Variants in SLC9A4 observed in about 807,000 individuals in gnomAD.
SLC9A4 encodes the protein sodium/hydrogen exchanger 4.
In SLC9A4, 63 loss-of-function variants were observed where a neutral mutation model predicts 67.4. That is an observed-to-expected ratio of 0.93 (90% CI 0.76 to 1.15). The LOEUF (loss-of-function observed/expected upper bound fraction) is 1.15. Ranked by LOEUF, SLC9A4 falls within the 50% of genes most tolerant of loss-of-function variation. SLC9A4 has a pLI of 0.00. For missense variants in SLC9A4, 1,089 were observed against 987.7 expected (o/e 1.10, Z -1.38); for synonymous variants, 393 against 367.2 (o/e 1.07, Z -0.80).
chr2:102,498,201 T>C (rs1684850881), intron 2 of SLC9A4, among the ~76,000 whole-genome samples: 1 of 152,244 alleles, frequency 6.6e-6, no homozygotes, highest in Admixed American at 6.5e-5. Context: ...CTTTTGCAAC[T>C]ATAATGTTAC....
chr2:102,499,795 A>G (rs947295412), intron 2 of SLC9A4, among the ~76,000 whole-genome samples: 2 of 152,196 alleles, frequency 1.3e-5, no homozygotes, highest in Non-Finnish European at 2.9e-5. Context: ...ATTACATTGA[A>G]CAGTGAGCAC....
rs1236102049 is a variant in SLC9A4, at chr2:102,505,370, T to C, written c.1097T>C (p.Ile366Thr). ...CTGAGCAGCGTCAGCGAGACCTTGA[T>C]CTTCATCTTCATGGGTGTGTCCACT... ...KMLSSVSETL[I>T]FIFMGVSTVG... is the part of the protein sequence containing the mutation. Residue 366 changes from isoleucine to threonine, a missense_variant, in exon 4 of 12, where the codon ATC (isoleucine) becomes ACC (threonine). Physicochemically the swap from Ile to Thr is moderately conservative, Grantham distance 89. Coordinates refer to ENST00000295269, the MANE Select transcript of SLC9A4 (RefSeq NM_001011552.4). The C allele has an allele frequency of 1.2e-6, 2 of 1,614,214 alleles. No individual in the cohort carries two copies. Among genetic ancestry groups the C allele is most frequent in the Admixed American group, 3.3e-5 (2 of 60,032 alleles).
At position 102,503,488 on chromosome 2, in the gene SLC9A4, A is replaced by C. The variant is rs747895392; in HGVS notation, c.761A>C (p.Lys254Thr). The change falls in exon 3 of 12, where the codon AAA (lysine) becomes ACA (threonine). Residue 254 changes from lysine (K) to threonine (T), a missense_variant. Lys to Thr is a moderately conservative substitution (Grantham distance 78). Transcript: ENST00000295269. ...TTAATTGCCTTTACAAAGATGCATA[A>C]ATTTGAAGACATAGAAACTGTCGAC... ...NMLIAFTKMH[K>T]FEDIETVDIL... 1.9e-6 allele frequency: 3 copies of C among 1,613,314 alleles called. No homozygotes were observed. Among genetic ancestry groups the C allele is most frequent in the African/African-American group, 2.7e-5 (2 of 74,882 alleles).
chr2:102,511,067 A>G (rs1363880234), intron 6 of SLC9A4, among the ~76,000 whole-genome samples: 1 of 152,234 alleles, frequency 6.6e-6, no homozygotes, highest in Admixed American at 6.5e-5. Flanking sequence ...GTTGCTGCAC[A>G]TGAGATTCAA....
chr2:102,473,650 C>T lies in SLC9A4; in HGVS notation c.-110C>T, dbSNP rs867854675. The stretch of plus-strand genomic sequence containing the variant: ...TTCTTGGGAGGACCCACAGACTGTA[C>T]CTATATTACTTTTGACCCAGGTGGA... On this transcript the variant is annotated 5_prime_UTR_variant, in exon 1 of 12. Coordinates refer to ENST00000295269, the MANE Select transcript of SLC9A4 (RefSeq NM_001011552.4). 2.0e-5 allele frequency: 27 copies of T among 1,360,626 alleles called. No individual in the cohort carries two copies. The African/African-American group carries it at 3.6e-4, about 18-fold the overall frequency. The allele number at this position is 1,360,626 out of a possible 1,614,324, so 84.3% of individuals were successfully genotyped here.
chr2:102,529,512 G>T (rs1028704450), intron 11 of SLC9A4, among the ~76,000 whole-genome samples: 3 of 152,166 alleles, frequency 2.0e-5, no homozygotes, highest in African/African-American at 7.2e-5. Context: ...TGAATAATTT[G>T]TCATTTCTGT....
chr2:102,495,698 A>G (rs1229372615), intron 2 of SLC9A4, among the ~76,000 whole-genome samples: 1 of 152,194 alleles, frequency 6.6e-6, no homozygotes, highest in Non-Finnish European at 1.5e-5. Context: ...TGGAGAGTTT[A>G]GAAATAGACT....
At chr2:102,481,436 A>T (rs1287379462) in intron 2 of SLC9A4, among the ~76,000 whole-genome samples, 2 of 152,226 alleles carry the variant, frequency 1.3e-5, no homozygotes, top group African/African-American at 4.8e-5. Flanking sequence ...CATGCTGTAC[A>T]TTGAAAGCTG....
chr2:102,485,534 G>A (rs945021768), intron 2 of SLC9A4, among the ~76,000 whole-genome samples: 1 of 152,204 alleles, frequency 6.6e-6, no homozygotes, highest in Non-Finnish European at 1.5e-5. Context: ...AACTTTGCTG[G>A]CTAGTTGCCT....
chr2:102,526,728 A>T (rs1030549475), intron 11 of SLC9A4, among the ~76,000 whole-genome samples: 1 of 152,324 alleles, frequency 6.6e-6, no homozygotes, highest in East Asian at 1.9e-4. Context: ...ATATTCACCC[A>T]CTATTTAAAT....
At chr2:102,502,598 G>A (rs1434500792) in intron 2 of SLC9A4, among the ~76,000 whole-genome samples, 1 of 152,230 alleles carries the variant, frequency 6.6e-6, no homozygotes, top group East Asian at 1.9e-4. Context: ...TGGAGAAGGT[G>A]TGGACTGGCC....
chr2:102,484,383 T>C (rs1452262851), intron 2 of SLC9A4, among the ~76,000 whole-genome samples: 1 of 152,192 alleles, frequency 6.6e-6, no homozygotes, highest in Non-Finnish European at 1.5e-5. Flanking sequence ...GTGTTCTTTC[T>C]GCAAAACACT....
intron 2 of SLC9A4, among the ~76,000 whole-genome samples, chr2:102,495,650 A>G (rs558866368): frequency 6.6e-5 from 10 of 152,286 alleles, no homozygotes; most frequent in South Asian, 2.1e-4. Flanking sequence ...AAATGACAAT[A>G]TTAATTAAAG....
At chr2:102,488,960 A>G (rs889272072) in intron 2 of SLC9A4, among the ~76,000 whole-genome samples, 2 of 152,192 alleles carry the variant, frequency 1.3e-5, no homozygotes, top group Non-Finnish European at 2.9e-5. Context: ...AAAAAATATT[A>G]CTGAGCTACT....
intron 8 of SLC9A4, among the ~76,000 whole-genome samples, chr2:102,516,036 G>T (rs963426832): frequency 6.6e-6 from 1 of 152,204 alleles, no homozygotes; most frequent in African/African-American, 2.4e-5. Context: ...CTTGGTTTCG[G>T]AAGGTATGGG....
chr2:102,524,556 T>TTGTGTGTGTGTGTGTG (rs147920382), intron 9 of SLC9A4, among the ~76,000 whole-genome samples: 4,080 of 145,410 alleles, frequency 0.028, 74 homozygotes, highest in African/African-American at 0.061. Context: ...GTGATAGGAA[T>TTGTGTGTGTGTGTGTG]TGTGTGTGTG....
Position 102,479,310 on chromosome 2 carries a change from GTCATGTGCCCGCCCGGCT to G in SLC9A4, c.720+11_720+28del, listed in dbSNP as rs1684408338. The G allele has an allele frequency of 6.3e-7, 1 of 1,598,132 alleles. No individual in the cohort carries two copies. Among genetic ancestry groups the G allele is most frequent in the African/African-American group, 1.3e-5 (1 of 74,868 alleles). ...AATGATGGCATTACTGTGGTGAGAT[GTCATGTGCCCGCCCGGCT>G]TCCGGGGGAGATGAGGGTTCGGGGT... On this transcript the variant is annotated intron_variant, in intron 2 of 11. Transcript: ENST00000295269.
rs114745714 is a variant in SLC9A4, at chr2:102,518,894, T to C, written c.1722-965T>C. ...AACAAACAAACAAACCCATTAAGGT[T>C]TATATCAAGATGTTAAGGAAGGTGA... On this transcript the variant is annotated intron_variant, in intron 8 of 11. Transcript: ENST00000295269. Among the ~76,000 whole-genome samples, 1,424 of 152,244 alleles carry C rather than the reference T, an allele frequency of 9.4e-3. 20 individuals are homozygous for C. The highest frequency in any genetic ancestry group is 0.028 in the African/African-American group (1,145 of 41,556).
chr2:102,505,726 A>T, intron 4 of SLC9A4: 1 of 417,116 alleles, frequency 2.4e-6, no homozygotes. Context: ...TTGAAGAAAG[A>T]AGTTTCACAT....
Sources: allele counts gnomAD v4.1 joint callset (sites outside exome capture counted in the v4.1 genomes callset), GRCh38; gene constraint gnomAD v4.1.1; transcripts MANE v1.5; gene names NCBI Gene and HGNC (gene_info 2026-07-23, HGNC 2026-07-21).